Variants in GPC6 observed in about 807,000 individuals in gnomAD.
The protein encoded by GPC6 is glypican-6.
A neutral mutation model predicts 55.2 loss-of-function variants in GPC6; 14 were observed. That is an observed-to-expected ratio of 0.25 (90% CI 0.17 to 0.40). The LOEUF is 0.40. Ranked by LOEUF, GPC6 falls within the 10% of genes least tolerant of loss-of-function variation. The pLI, the probability that GPC6 is intolerant of heterozygous loss-of-function variation, is 1.00. For missense variants in GPC6, 641 were observed against 708.5 expected (o/e 0.90, Z 1.08); for synonymous variants, 278 against 259.6 (o/e 1.07, Z -0.68).
At chr13:93,602,395 G>C (rs1878053597) in intron 2 of GPC6, among the ~76,000 whole-genome samples, 1 of 152,170 alleles carries the variant, frequency 6.6e-6, no homozygotes. Flanking sequence ...ATTGCAGTTT[G>C]ATTATCCCTC....
intron 1 of GPC6, among the ~76,000 whole-genome samples, chr13:93,242,221 G>T (rs1461696305): frequency 6.6e-6 from 1 of 152,158 alleles, no homozygotes; most frequent in Non-Finnish European, 1.5e-5. Context: ...AGCCCTGATG[G>T]ATGTAGCCTA....
At chr13:94,081,483 C>G (rs1885093906) in intron 4 of GPC6, among the ~76,000 whole-genome samples, 1 of 152,126 alleles carries the variant, frequency 6.6e-6, no homozygotes, top group Non-Finnish European at 1.5e-5. Context: ...TGAACGACTA[C>G]TATCCATAAA....
chr13:94,215,713 A>G (rs995806494), intron 4 of GPC6, among the ~76,000 whole-genome samples: 1 of 152,172 alleles, frequency 6.6e-6, no homozygotes, highest in Non-Finnish European at 1.5e-5. Flanking sequence ...AGGGAAAAAA[A>G]TCTGTCCTCA....
chr13:93,751,603 C>G (rs1203693460), intron 2 of GPC6, among the ~76,000 whole-genome samples: 1 of 152,032 alleles, frequency 6.6e-6, no homozygotes, highest in Non-Finnish European at 1.5e-5. Flanking sequence ...CCCACTGCAG[C>G]CTCAAACTCC....
chr13:93,428,229 A>C (rs34119608), intron 1 of GPC6, among the ~76,000 whole-genome samples: 31,282 of 152,150 alleles, frequency 0.21, 3,410 homozygotes, highest in Middle Eastern at 0.28. Context: ...GTATAATATA[A>C]TAACACATTT....
chr13:93,726,174 T>C (rs1453328324), intron 2 of GPC6, among the ~76,000 whole-genome samples: 2 of 148,578 alleles, frequency 1.3e-5, no homozygotes, highest in Non-Finnish European at 3.0e-5. Flanking sequence ...TGCCCACTTA[T>C]GGAGGCTATT....
chr13:94,017,554 A>G (rs529360208), intron 3 of GPC6, among the ~76,000 whole-genome samples: 1 of 152,278 alleles, frequency 6.6e-6, no homozygotes, highest in South Asian at 2.1e-4. Flanking sequence ...ATTATCTCCT[A>G]GGCCTGCCCT....
In GPC6 at chr13:93,898,484, ATTG is replaced by A. The variant is rs1409745649; in HGVS notation, c.711+67945_711+67947del. Among the ~76,000 whole-genome samples the A allele has an allele frequency of 4.6e-5, 7 of 152,144 alleles. No individual in the cohort carries two copies. In the East Asian group the frequency reaches 7.7e-4, roughly 17 times the overall value. On this transcript the variant is annotated intron_variant, in intron 3 of 8. Transcript: ENST00000377047. ...ATGGATGAAACTGTGCATGAAGCCT[ATTG>A]TTGTTTAAAGCATGAAATGGAATCT...
At chr13:93,400,433 A>T (rs1267528181) in intron 1 of GPC6, among the ~76,000 whole-genome samples, 4 of 150,462 alleles carry the variant, frequency 2.7e-5, no homozygotes, top group African/African-American at 9.8e-5. Flanking sequence ...AAATAATTGC[A>T]GATTACCAGA....
chr13:94,229,190 A>G (rs1011785069), intron 4 of GPC6, among the ~76,000 whole-genome samples: 5 of 152,198 alleles, frequency 3.3e-5, no homozygotes, highest in Non-Finnish European at 7.3e-5. Flanking sequence ...TTTAACATAC[A>G]TTTAATTATT....
At chr13:94,150,371 G>A (rs1887695222) in intron 4 of GPC6, among the ~76,000 whole-genome samples, 1 of 152,026 alleles carries the variant, frequency 6.6e-6, no homozygotes, top group African/African-American at 2.4e-5. Flanking sequence ...AGCATTTGCT[G>A]TCACAAATCT....
At chr13:93,449,520 C>A (rs942643340) in intron 1 of GPC6, among the ~76,000 whole-genome samples, 3 of 152,126 alleles carry the variant, frequency 2.0e-5, no homozygotes, top group African/African-American at 7.2e-5. Context: ...TTATTAACAC[C>A]CTCTTTAAAT....
chr13:93,227,241 A>C lies in GPC6; in HGVS notation c.-216A>C, dbSNP rs781104084. 4.2e-5 allele frequency: 21 copies of C among 498,406 alleles called. No individual in the cohort carries two copies. Among genetic ancestry groups the C allele is most frequent in the Non-Finnish European group, 7.2e-5 (20 of 279,226 alleles). 30.9% of individuals were successfully genotyped at this position (498,406 alleles called of 1,614,324 possible). A position where few individuals can be genotyped will look rare whatever the true frequency, so the allele number is the denominator to read the frequency against. ...GAGCAAGGCAGCAGCCTTCCCAGCC[A>C]GCCCTTGTTGGCTTGCCATCGTCCA... On this transcript the variant is annotated 5_prime_UTR_variant, in exon 1 of 9. Coordinates refer to ENST00000377047, the MANE Select transcript of GPC6 (RefSeq NM_005708.5). The surrounding 1 kb of genome is among the most constrained non-coding windows in gnomAD (Gnocchi z 4.3).
chr13:93,742,193 A>G (rs952373638), intron 2 of GPC6, among the ~76,000 whole-genome samples: 2 of 152,186 alleles, frequency 1.3e-5, no homozygotes, highest in Non-Finnish European at 1.5e-5. Flanking sequence ...AAAATTTAGA[A>G]TGAACATTTC....
intron 2 of GPC6, among the ~76,000 whole-genome samples, chr13:93,802,879 A>G (rs1423286396): frequency 6.6e-6 from 1 of 152,202 alleles, no homozygotes; most frequent in African/African-American, 2.4e-5. Flanking sequence ...ATTTTTTAAT[A>G]TAAGTTTGTC....
intron 8 of GPC6, among the ~76,000 whole-genome samples, chr13:94,399,288 T>A (rs1361567787): frequency 6.6e-6 from 1 of 152,186 alleles, no homozygotes; most frequent in African/African-American, 2.4e-5. Context: ...TTGAGAGAAA[T>A]TGTAAAATTC....
At chr13:93,721,925 T>G (rs187407980) in intron 2 of GPC6, among the ~76,000 whole-genome samples, 1 of 151,862 alleles carries the variant, frequency 6.6e-6, no homozygotes, top group East Asian at 1.9e-4. Context: ...ATAATAAATA[T>G]TAGAATATGC....
At chr13:93,975,668 A>G (rs1480079409) in intron 3 of GPC6, among the ~76,000 whole-genome samples, 1 of 152,180 alleles carries the variant, frequency 6.6e-6, no homozygotes, top group Non-Finnish European at 1.5e-5. Context: ...AAGACCTGCT[A>G]TCCTGATCCT....
chr13:93,329,602 G>A (rs1361159105), intron 1 of GPC6, among the ~76,000 whole-genome samples: 3 of 152,256 alleles, frequency 2.0e-5, no homozygotes, highest in Middle Eastern at 3.4e-3. Context: ...AGTAGTTAAT[G>A]GTGAACAGTG....
Sources: allele counts gnomAD v4.1 joint callset (sites outside exome capture counted in the v4.1 genomes callset), GRCh38; gene constraint gnomAD v4.1.1; non-coding constraint Gnocchi (gnomAD v3.1); transcripts MANE v1.5; gene names NCBI Gene and HGNC (gene_info 2026-07-23, HGNC 2026-07-21).